Variants in CPQ observed in about 807,000 individuals in gnomAD.
The protein encoded by CPQ is carboxypeptidase Q.
CPQ carries 37 observed loss-of-function variants against 45.7 expected under a neutral mutation model. The observed-to-expected ratio is 0.81, with a 90% CI of 0.62 to 1.07. The LOEUF (loss-of-function observed/expected upper bound fraction) is 1.07. Ranked by LOEUF, CPQ falls within the 50% of genes least tolerant of loss-of-function variation. CPQ has a pLI of 0.00. For synonymous variants in CPQ, 186 were observed against 205.8 expected (o/e 0.90, Z 0.82); for missense variants, 537 against 572.9 (o/e 0.94, Z 0.64).
chr8:96,698,458 T>C (rs1215160924), intron 1 of CPQ, among the ~76,000 whole-genome samples: 2 of 151,998 alleles, frequency 1.3e-5, no homozygotes, highest in Non-Finnish European at 2.9e-5. Flanking sequence ...TCTTCAGTAA[T>C]ACCCCACAAG....
intron 1 of CPQ, among the ~76,000 whole-genome samples, chr8:96,741,993 G>A (rs1185503025): frequency 1.5e-4 from 21 of 144,070 alleles, no homozygotes; most frequent in Non-Finnish European, 1.8e-4. Flanking sequence ...TATTAGGTCC[G>A]CTTGGTGCAG....
At chr8:96,796,554 G>A (rs1053508012) in intron 2 of CPQ, among the ~76,000 whole-genome samples, 1 of 152,070 alleles carries the variant, frequency 6.6e-6, no homozygotes, top group African/African-American at 2.4e-5. Flanking sequence ...TTAATAGACT[G>A]CAAAATAGCA....
intron 5 of CPQ, among the ~76,000 whole-genome samples, chr8:97,016,088 TTAAAAA>T (rs1224912015): frequency 6.6e-6 from 1 of 152,080 alleles, no homozygotes; most frequent in Non-Finnish European, 1.5e-5. Flanking sequence ...CAAAATAATT[TTAAAAA>T]TAAAATAATT....
chr8:96,701,822 C>T (rs947232460), intron 1 of CPQ, among the ~76,000 whole-genome samples: 1 of 152,178 alleles, frequency 6.6e-6, no homozygotes, highest in African/African-American at 2.4e-5. Context: ...TCTCTGTTCC[C>T]AACCCTGTCC....
At chr8:96,960,006 T>C (rs1813429650) in intron 4 of CPQ, among the ~76,000 whole-genome samples, 1 of 152,080 alleles carries the variant, frequency 6.6e-6, no homozygotes, top group African/African-American at 2.4e-5. Flanking sequence ...TGTTGTTTAC[T>C]GACAATTGAC....
intron 1 of CPQ, chr8:96,761,137 G>A (rs1157138065): frequency 6.6e-6 from 1 of 152,136 alleles, no homozygotes; most frequent in African/African-American, 2.4e-5. Flanking sequence ...GAAGTGGTGG[G>A]TGACAAGCAT....
chr8:96,915,242 G>A lies in CPQ; in HGVS notation c.849+35237G>A, dbSNP rs188534535. ...GCAGCCTTGGGAAGATTTTTTTTCC[G>A]TGCCTCTCCTGTGTCCAAAGCTCCT... On this transcript the variant is annotated intron_variant, in intron 4 of 7. Transcript: ENST00000220763. Among the ~76,000 whole-genome samples, 675 of 151,964 alleles carry A rather than the reference G, an allele frequency of 4.4e-3. 2 individuals are homozygous for A. The highest frequency in any genetic ancestry group is 5.7e-3 in the Admixed American group (87 of 15,256).
chr8:96,811,750 G>A (rs1464352913), intron 2 of CPQ, among the ~76,000 whole-genome samples: 2 of 152,048 alleles, frequency 1.3e-5, no homozygotes, highest in Non-Finnish European at 2.9e-5. Context: ...CAAATAATAT[G>A]CCAAGGGCCA....
intron 7 of CPQ, among the ~76,000 whole-genome samples, chr8:97,123,150 A>AATAAAATAAAATAAAATAAAAT: frequency 2.3e-5 from 1 of 43,362 alleles, no homozygotes; most frequent in Non-Finnish European, 4.3e-5. Context: ...AAATAAAATA[A>AATAAAATAAAATAAAATAAAAT]ATAAAATAAA....
intron 7 of CPQ, among the ~76,000 whole-genome samples, chr8:97,081,740 G>A (rs190571047): frequency 2.4e-3 from 365 of 152,260 alleles, no homozygotes; most frequent in Non-Finnish European, 4.4e-3. Flanking sequence ...GTTCTAATAT[G>A]CAGCCAGAAT....
chr8:96,829,120 T>C (rs1186262408), intron 2 of CPQ, among the ~76,000 whole-genome samples: 1 of 152,130 alleles, frequency 6.6e-6, no homozygotes, highest in Non-Finnish European at 1.5e-5. Flanking sequence ...GTAGACAGGA[T>C]ACTTTGCTTG....
At chr8:97,015,894 G>A (rs1809570539) in intron 5 of CPQ, among the ~76,000 whole-genome samples, 1 of 152,056 alleles carries the variant, frequency 6.6e-6, no homozygotes, top group East Asian at 1.9e-4. Flanking sequence ...AACTACTATT[G>A]TTTACATACA....
intron 7 of CPQ, among the ~76,000 whole-genome samples, chr8:97,093,373 C>G (rs1051503607): frequency 6.6e-6 from 1 of 152,158 alleles, no homozygotes; most frequent in African/African-American, 2.4e-5. Flanking sequence ...CACATATTTT[C>G]ATCGCAGCAC....
At chr8:96,934,415 G>T (rs943973912) in intron 4 of CPQ, among the ~76,000 whole-genome samples, 4 of 152,128 alleles carry the variant, frequency 2.6e-5, no homozygotes, top group Non-Finnish European at 5.9e-5. Flanking sequence ...GCATGATTGA[G>T]CAAAAGGGGC....
intron 1 of CPQ, among the ~76,000 whole-genome samples, chr8:96,669,769 A>G (rs976128898): frequency 6.6e-6 from 1 of 152,230 alleles, no homozygotes; most frequent in Non-Finnish European, 1.5e-5. Context: ...ATATGTAAAC[A>G]TATAGGCAAT....
chr8:97,123,129 A>AAAAT, intron 7 of CPQ, among the ~76,000 whole-genome samples: 1 of 98,036 alleles, frequency 1.0e-5, no homozygotes, highest in African/African-American at 4.9e-5. Flanking sequence ...TAAAATAAAT[A>AAAAT]AAATAAAATA....
At chr8:96,762,220 T>G (rs908935330) in intron 1 of CPQ, among the ~76,000 whole-genome samples, 13 of 152,194 alleles carry the variant, frequency 8.5e-5, no homozygotes, top group African/African-American at 2.9e-4. Context: ...GTTCATGTTC[T>G]TATCTTTTAT....
At chr8:96,932,452 A>T (rs1473090152) in intron 4 of CPQ, among the ~76,000 whole-genome samples, 1 of 152,160 alleles carries the variant, frequency 6.6e-6, no homozygotes, top group Non-Finnish European at 1.5e-5. Flanking sequence ...ATTTTTAAAG[A>T]CTCATCCACA....
rs778966186 is a variant in CPQ, at chr8:96,879,887, G to C, written c.731G>C (p.Arg244Thr). Residue 244 changes from arginine (R) to threonine (T), a missense_variant, in exon 4 of 8, where the codon AGA (arginine) becomes ACA (threonine). Transcript: ENST00000220763. ...GTGGAAGATGCAGAAATGATGTCAA[G>C]AATGGCTTCTCATGGGATCAAAATT... ...ITVEDAEMMS[R>T]MASHGIKIVI... is the part of the protein sequence containing the mutation. The C allele has an allele frequency of 1.4e-5, 22 of 1,613,968 alleles. No homozygotes were observed. The highest frequency in any genetic ancestry group is 1.9e-5 in the Non-Finnish European group (22 of 1,179,992).
Sources: gnomAD v4.1 joint callset for allele counts (sites outside exome capture counted in the v4.1 genomes callset) on GRCh38, gnomAD v4.1.1 for gene constraint, MANE v1.5 for transcripts, NCBI Gene and HGNC (gene_info 2026-07-23, HGNC 2026-07-21) for gene names.